The following SNX29 variants were observed in gnomAD, a reference collection of about 807,000 sequenced individuals.
SNX29 encodes sorting nexin-29.
A neutral mutation model predicts 102.1 loss-of-function variants in SNX29; 78 were observed. The observed-to-expected ratio is 0.76, with a 90% CI of 0.64 to 0.92. The LOEUF (loss-of-function observed/expected upper bound fraction) is 0.92, where lower values mean the gene tolerates loss of function less well. SNX29 is among the 40% of genes least tolerant of loss of function. The pLI is 0.00. For synonymous variants in SNX29, 580 were observed against 414.5 expected, an observed-to-expected ratio of 1.40 and a Z score of -4.85; for missense variants, 1,280 against 1,061.7, an observed-to-expected ratio of 1.21 and a Z score of -2.86.
In SNX29 at chr16:12,469,824, A is replaced by G. The variant is rs534715594; in HGVS notation, c.2038-7895A>G. Among the ~76,000 whole-genome samples, 35 of 152,310 alleles carry G rather than the reference A, an allele frequency of 2.3e-4. No homozygotes were observed. In the South Asian group the frequency reaches 7.3e-3, roughly 32 times the overall value. ...TCAGGAGTTCAAGACCAGCCTGGCC[A>G]ACATGGTGAAACCCCGTCTCTACTA... On this transcript the variant is annotated intron_variant, in intron 18 of 20. Coordinates refer to ENST00000566228, the MANE Select transcript of SNX29 (RefSeq NM_032167.5).
At chr16:12,362,120 T>C (rs1410470950) in intron 16 of SNX29, among the ~76,000 whole-genome samples, 2 of 152,280 alleles carry the variant, frequency 1.3e-5, no homozygotes, top group Non-Finnish European at 2.9e-5. Flanking sequence ...AGTAGAATTG[T>C]TGTTCATTTT....
At chr16:12,558,140 C>T (rs915852432) in intron 20 of SNX29, among the ~76,000 whole-genome samples, 1 of 152,308 alleles carries the variant, frequency 6.6e-6, no homozygotes, top group South Asian at 2.1e-4. Flanking sequence ...CAGGGATAAT[C>T]CTTTCCATCC....
intron 20 of SNX29, among the ~76,000 whole-genome samples, chr16:12,540,973 G>T: frequency 6.6e-6 from 1 of 152,234 alleles, no homozygotes; most frequent in African/African-American, 2.4e-5. Context: ...GCTGGAGGAT[G>T]CTACAGGGGA....
At chr16:12,008,026 C>T (rs1401824198) in intron 3 of SNX29, among the ~76,000 whole-genome samples, 2 of 152,180 alleles carry the variant, frequency 1.3e-5, no homozygotes. Flanking sequence ...TCCCTGCAAG[C>T]TCTGCCTCCC....
At chr16:12,431,258 C>G (rs58775476) in intron 18 of SNX29, among the ~76,000 whole-genome samples, 10,331 of 152,108 alleles carry the variant, frequency 0.068, 849 homozygotes, top group African/African-American at 0.19. Context: ...AGGGGAAGAG[C>G]GGGCAGGTAG....
At chr16:12,325,220 C>T (rs2081080743) in intron 15 of SNX29, among the ~76,000 whole-genome samples, 1 of 152,096 alleles carries the variant, frequency 6.6e-6, no homozygotes, top group Non-Finnish European at 1.5e-5. Context: ...CCAGTGTGAC[C>T]CTCTGAAAGG....
At chr16:12,160,594 T>C (rs960783115) in intron 13 of SNX29, among the ~76,000 whole-genome samples, 7 of 152,152 alleles carry the variant, frequency 4.6e-5, no homozygotes, top group Admixed American at 3.9e-4. Context: ...CTAATGGATA[T>C]AGGTTTTCTT....
intron 13 of SNX29, among the ~76,000 whole-genome samples, chr16:12,187,887 C>T (rs745795400): frequency 2.6e-5 from 4 of 152,092 alleles, no homozygotes; most frequent in African/African-American, 4.8e-5. Flanking sequence ...CTGCATCCCT[C>T]GAGGGACCTG....
chr16:12,539,348 G>C (rs1023420844), intron 20 of SNX29, among the ~76,000 whole-genome samples: 1 of 151,926 alleles, frequency 6.6e-6, no homozygotes, highest in African/African-American at 2.4e-5. Flanking sequence ...CACATAAATG[G>C]AATCATACTG....
At chr16:12,454,077 C>T (rs1298689367) in intron 18 of SNX29, among the ~76,000 whole-genome samples, 1 of 152,148 alleles carries the variant, frequency 6.6e-6, no homozygotes, top group Non-Finnish European at 1.5e-5. Flanking sequence ...AAGATCTGGC[C>T]AGTAAGATAT....
At chr16:11,993,685 C>G (rs906000837) in intron 1 of SNX29, among the ~76,000 whole-genome samples, 1 of 152,140 alleles carries the variant, frequency 6.6e-6, no homozygotes, top group African/African-American at 2.4e-5. Flanking sequence ...CTATCCTGTT[C>G]TTAATTTCTG....
intron 8 of SNX29, among the ~76,000 whole-genome samples, chr16:12,053,884 A>G (rs2050410922): frequency 6.6e-6 from 1 of 152,140 alleles, no homozygotes; most frequent in South Asian, 2.1e-4. Context: ...ACAGGATTCC[A>G]TAGGGAGGCA....
At chr16:12,347,495 C>T (rs1245224237) in intron 15 of SNX29, among the ~76,000 whole-genome samples, 1 of 152,038 alleles carries the variant, frequency 6.6e-6, no homozygotes, top group African/African-American at 2.4e-5. Flanking sequence ...CCAGACTGAC[C>T]ACCTCCCTCC....
intron 14 of SNX29, among the ~76,000 whole-genome samples, chr16:12,214,486 C>T (rs959803154): frequency 6.6e-6 from 1 of 152,166 alleles, no homozygotes; most frequent in Non-Finnish European, 1.5e-5. Flanking sequence ...TTTCTAATTG[C>T]AGCTTTTGTA....
intron 4 of SNX29, among the ~76,000 whole-genome samples, chr16:12,033,403 T>C (rs1441014625): frequency 1.3e-5 from 2 of 151,952 alleles, no homozygotes; most frequent in Non-Finnish European, 1.5e-5. Context: ...GTGCCTGGCC[T>C]CCTTTTTTCT....
At position 12,481,521 on chromosome 16, in the gene SNX29, C is replaced by T. The variant is rs1002637156; in HGVS notation, c.2178+3662C>T. ...ATGTACATATACATATAGACACACA[C>T]ACACACACACACACACACACACACA... On this transcript the variant is annotated intron_variant, in intron 19 of 20. Coordinates refer to ENST00000566228, the MANE Select transcript of SNX29 (RefSeq NM_032167.5). Among the ~76,000 whole-genome samples the T allele has an allele frequency of 4.0e-3, 322 of 81,240 alleles. 7 individuals are homozygous for T. Among genetic ancestry groups the T allele is most frequent in the African/African-American group, 0.012 (311 of 25,378 alleles). The allele number at this position is 81,240 out of a possible 152,430, so 53.3% of individuals were successfully genotyped here. A position where few individuals can be genotyped will look rare whatever the true frequency, so the allele number is the denominator to read the frequency against.
At chr16:12,542,680 G>C (rs1329770049) in intron 20 of SNX29, among the ~76,000 whole-genome samples, 1 of 152,058 alleles carries the variant, frequency 6.6e-6, no homozygotes, top group Non-Finnish European at 1.5e-5. Context: ...TTGGGAACAT[G>C]GACTTTGGGG....
At chr16:12,077,278 TA>T (rs61448876) in intron 10 of SNX29, among the ~76,000 whole-genome samples, 30,008 of 145,456 alleles carry the variant, frequency 0.21, 3,275 homozygotes, top group African/African-American at 0.3. Flanking sequence ...GAACCTGTCT[TA>T]AAAAAAAAAA....
chr16:12,411,256 T>G (rs951848563), intron 18 of SNX29, among the ~76,000 whole-genome samples: 12 of 152,204 alleles, frequency 7.9e-5, no homozygotes, highest in African/African-American at 2.2e-4. Flanking sequence ...GGCAGCCGTT[T>G]GCTGTTTGAT....
Sources: gnomAD v4.1 joint callset for allele counts (sites outside exome capture counted in the v4.1 genomes callset) on GRCh38, gnomAD v4.1.1 for gene constraint, MANE v1.5 for transcripts, NCBI Gene and HGNC (gene_info 2026-07-23, HGNC 2026-07-21) for gene names.